Variants in THSD4 observed in about 807,000 individuals in gnomAD.
THSD4 encodes thrombospondin type-1 domain-containing protein 4.
In THSD4, 69 loss-of-function variants were observed where a neutral mutation model predicts 119.0. The ratio of observed to expected loss-of-function variants is 0.58; its 90% CI spans 0.48 to 0.71. THSD4 has a LOEUF of 0.71. Among genes scored for constraint, THSD4 ranks in the 30% least tolerant of loss-of-function variants. THSD4 has a pLI of 0.00. For synonymous variants in THSD4, 524 were observed against 540.4 expected, an observed-to-expected ratio of 0.97 and a Z score of 0.42; for missense variants, 1,393 against 1,391.1, an observed-to-expected ratio of 1.00 and a Z score of -0.02.
chr15:71,137,713 C>T (rs12907574), intron 1 of THSD4, among the ~76,000 whole-genome samples: 14,942 of 152,098 alleles, frequency 0.098, 929 homozygotes, highest in East Asian at 0.35. Flanking sequence ...CCAGTGCAAG[C>T]TCATCAGCCG....
At chr15:71,377,519 G>C (rs1204383097) in intron 6 of THSD4, among the ~76,000 whole-genome samples, 1 of 152,124 alleles carries the variant, frequency 6.6e-6, no homozygotes, top group East Asian at 1.9e-4. Flanking sequence ...AAGGGAACCA[G>C]GGGGCTGTAG....
intron 8 of THSD4, among the ~76,000 whole-genome samples, chr15:71,682,448 A>G (rs989686714): frequency 3.3e-5 from 5 of 152,148 alleles, no homozygotes; most frequent in African/African-American, 1.2e-4. Flanking sequence ...CCTCTCTGTC[A>G]CTAACCTCCC....
chr15:71,606,387 ATAAT>A (rs1213184297), intron 7 of THSD4, among the ~76,000 whole-genome samples: 1 of 152,158 alleles, frequency 6.6e-6, no homozygotes, highest in Non-Finnish European at 1.5e-5. Context: ...CAGCAGTGTG[ATAAT>A]TAATTTTATA....
chr15:71,614,146 C>T (rs2050281485), intron 7 of THSD4, among the ~76,000 whole-genome samples: 1 of 152,158 alleles, frequency 6.6e-6, no homozygotes, highest in Admixed American at 6.5e-5. Flanking sequence ...TTCTGTCTGT[C>T]CCAGGTTAAA....
chr15:71,680,240 C>T (rs992680366), intron 8 of THSD4, among the ~76,000 whole-genome samples: 1 of 152,156 alleles, frequency 6.6e-6, no homozygotes, highest in East Asian at 1.9e-4. Context: ...TCCTGTCTTT[C>T]CTGTTTTGTT....
At chr15:71,738,060 G>A in intron 11 of THSD4, 53 bp downstream of exon 11, 1 of 1,600,020 alleles carries the variant, frequency 6.2e-7, no homozygotes, top group Non-Finnish European at 8.5e-7. Flanking sequence ...AGCAAGGAGT[G>A]TGTGGGTGGC....
intron 7 of THSD4, among the ~76,000 whole-genome samples, chr15:71,642,334 A>G (rs1349971302): frequency 6.6e-6 from 1 of 152,094 alleles, no homozygotes; most frequent in Non-Finnish European, 1.5e-5. Flanking sequence ...AAATAGGAAC[A>G]CTTTTACACT....
At chr15:71,667,150 A>G (rs2051432636) in intron 8 of THSD4, among the ~76,000 whole-genome samples, 1 of 152,210 alleles carries the variant, frequency 6.6e-6, no homozygotes, top group African/African-American at 2.4e-5. Context: ...CATGAGTTCT[A>G]GAGTCCTAAA....
At chr15:71,192,007 A>G (rs900946090) in intron 3 of THSD4, among the ~76,000 whole-genome samples, 1 of 150,594 alleles carries the variant, frequency 6.6e-6, no homozygotes, top group African/African-American at 2.5e-5. Flanking sequence ...GGTTGAAGCG[A>G]TTCTCCTGTC....
chr15:71,390,849 C>CTTTTTTT (rs1010882999), intron 6 of THSD4, among the ~76,000 whole-genome samples: 94 of 90,882 alleles, frequency 1.0e-3, no homozygotes, highest in Non-Finnish European at 1.4e-3. Context: ...TTGGCTAAAT[C>CTTTTTTT]TTTTTTTTTT....
intron 7 of THSD4, among the ~76,000 whole-genome samples, chr15:71,566,557 G>T (rs1434248822): frequency 2.0e-5 from 3 of 152,138 alleles, no homozygotes; most frequent in Non-Finnish European, 4.4e-5. Context: ...GTGATACCGT[G>T]CTGCCCCGAG....
At chr15:71,209,476 T>G (rs981011704) in intron 3 of THSD4, among the ~76,000 whole-genome samples, 11 of 152,216 alleles carry the variant, frequency 7.2e-5, no homozygotes, top group South Asian at 4.1e-4. Context: ...GCTCTTCCAC[T>G]GGGCTTCTTC....
intron 1 of THSD4, among the ~76,000 whole-genome samples, chr15:71,107,271 C>G (rs2040277866): frequency 6.6e-6 from 1 of 151,770 alleles, no homozygotes; most frequent in South Asian, 2.1e-4. Flanking sequence ...CTTAATCAAT[C>G]AAAAAGAAAC....
Position 71,584,262 on chromosome 15 carries a change from C to CTTTTTTTTTTTTTTTT in THSD4, c.1153-76260_1153-76245dup, listed in dbSNP as rs71154789. Among the ~76,000 whole-genome samples, 2 of 61,802 alleles carry CTTTTTTTTTTTTTTTT rather than the reference C, an allele frequency of 3.2e-5. 1 individual carries two copies. Among genetic ancestry groups the CTTTTTTTTTTTTTTTT allele is most frequent in the Non-Finnish European group, 5.5e-5 (2 of 36,410 alleles). The allele number at this position is 61,802 out of a possible 152,430, so 40.5% of individuals were successfully genotyped here. A position where few individuals can be genotyped will look rare whatever the true frequency, so the allele number is the denominator to read the frequency against. ...TCACGTGGATTTTTTTTTTCACTTT[C>CTTTTTTTTTTTTTTTT]TTTTTTTTTTTTTTTTTTTTTTTGA... On this transcript the variant is annotated intron_variant, in intron 7 of 17. Transcript: ENST00000261862.
intron 1 of THSD4, among the ~76,000 whole-genome samples, chr15:71,102,130 A>G (rs2040256255): frequency 6.6e-6 from 1 of 152,160 alleles, no homozygotes; most frequent in African/African-American, 2.4e-5. Flanking sequence ...GAAATGAGTC[A>G]TTTATCTTTG....
rs528272855 is a variant in THSD4, at chr15:71,191,510, A to G, written c.100-23525A>G. On this transcript the variant is annotated intron_variant, in intron 3 of 17. Transcript: ENST00000261862. ...CTGCGTGCCAGGCATAGTGCTAAGT[A>G]CATCTGTTATTCTACTTAAACTTCA... Among the ~76,000 whole-genome samples the G allele has an allele frequency of 5.3e-5, 8 of 152,320 alleles. No individual in the cohort carries two copies. The South Asian group carries it at 1.7e-3, about 32-fold the overall frequency.
intron 3 of THSD4, among the ~76,000 whole-genome samples, chr15:71,176,222 T>C (rs2043449675): frequency 1.0e-5 from 1 of 99,156 alleles, no homozygotes; most frequent in African/African-American, 4.1e-5. Context: ...GACCCATCAG[T>C]GTGCTGTATT....
rs185663988 is a variant in THSD4, at chr15:71,310,930, C to T, written c.1015+54215C>T. Among the ~76,000 whole-genome samples, 18 of 152,250 alleles carry T rather than the reference C, an allele frequency of 1.2e-4. No homozygotes were observed. The East Asian group carries it at 3.5e-3, about 29-fold the overall frequency. ...TGGGGTGTTGTTTACTGAGCCCCAA[C>T]ATCTCCCCCACAACGTGCCAGTTAT... On this transcript the variant is annotated intron_variant, in intron 6 of 17. Transcript: ENST00000261862.
intron 6 of THSD4, among the ~76,000 whole-genome samples, chr15:71,289,475 G>A (rs1003816594): frequency 8.5e-5 from 13 of 152,096 alleles, no homozygotes; most frequent in Admixed American, 2.0e-4. Context: ...TCTCCACCCT[G>A]AATAAAGTAG....
Sources: allele counts gnomAD v4.1 joint callset (sites outside exome capture counted in the v4.1 genomes callset), GRCh38; gene constraint gnomAD v4.1.1; transcripts MANE v1.5; gene names NCBI Gene and HGNC (gene_info 2026-07-23, HGNC 2026-07-21).